SLC7A2: variants seen among roughly 807,000 people sequenced by gnomAD.
The protein encoded by SLC7A2 is solute carrier family 7 member 2.
SLC7A2 carries 48 observed loss-of-function variants against 58.9 expected under a neutral mutation model. The observed-to-expected ratio is 0.82, with a 90% CI of 0.65 to 1.04. SLC7A2 has a LOEUF of 1.04. Ranked by LOEUF, SLC7A2 falls within the 50% of genes least tolerant of loss-of-function variation. The pLI is 0.00. For synonymous variants in SLC7A2, 363 were observed against 314.5 expected (o/e 1.15, Z -1.63); for missense variants, 1,029 against 818.8 (o/e 1.26, Z -3.13).
At position 17,544,454 on chromosome 8, in the gene SLC7A2, C is replaced by T. The variant is rs143176010; in HGVS notation, c.380C>T (p.Thr127Ile). Reference protein sequence around the residue: ...WNLILSYVIGTSSVARAWSGT... With the variant: ...WNLILSYVIGISSVARAWSGT... ...TTCTCTGTTCTGTTTTGGGAAGGTA[C>T]ATCAAGTGTTGCAAGAGCCTGGAGT... Residue 127 changes from threonine (T) to isoleucine (I), a missense_variant, in exon 4 of 13, where the codon ACA (threonine) becomes ATA (isoleucine). Physicochemically the swap from Thr to Ile is moderately conservative, Grantham distance 89 (BLOSUM62 -1). Transcript: ENST00000494857. The T allele has an allele frequency of 1.9e-6, 3 of 1,613,756 alleles. No homozygotes were observed. Among genetic ancestry groups the T allele is most frequent in the Non-Finnish European group, 2.5e-6 (3 of 1,179,826 alleles).
At position 17,551,929 on chromosome 8, in the gene SLC7A2, G is replaced by A. The variant is rs1363232782; in HGVS notation, c.998G>A (p.Gly333Glu). The change falls in exon 7 of 13, where the codon GGA (glycine) becomes GAA (glutamate). Residue 333 changes from glycine (G) to glutamate (E), a missense_variant. By Grantham distance (98) the Gly-to-Glu change is moderately conservative. Transcript: ENST00000494857. ...SPLPVAFEYV[G>E]WGPAKYVVAA... ...CTTCCTGTAGCGTTTGAATATGTGG[G>A]ATGGGGTCCTGCCAAATATGTCGTC... 3.7e-6 allele frequency: 6 copies of A among 1,613,882 alleles called. No homozygotes were observed. The Admixed American group carries it at 6.7e-5, about 18-fold the overall frequency.
intron 8 of SLC7A2, among the ~76,000 whole-genome samples, chr8:17,556,050 T>G: frequency 6.6e-6 from 1 of 152,228 alleles, no homozygotes; most frequent in Non-Finnish European, 1.5e-5. Context: ...AGAATGTATT[T>G]GTTTAAACAC....
chr8:17,506,797 C>G (rs1800383369), intron 2 of SLC7A2, among the ~76,000 whole-genome samples: 1 of 149,898 alleles, frequency 6.7e-6, no homozygotes, highest in South Asian at 2.1e-4. Context: ...TGTTGCCTGT[C>G]TGGAGTGCAG....
At chr8:17,514,458 C>A (rs1346629910) in intron 2 of SLC7A2, among the ~76,000 whole-genome samples, 1 of 152,108 alleles carries the variant, frequency 6.6e-6, no homozygotes, top group African/African-American at 2.4e-5. Flanking sequence ...GCAATATTTT[C>A]CCTTCTCAAA....
intron 7 of SLC7A2, among the ~76,000 whole-genome samples, chr8:17,552,381 A>T (rs1802496250): frequency 6.6e-6 from 1 of 152,230 alleles, no homozygotes; most frequent in African/African-American, 2.4e-5. Flanking sequence ...ACATCTGAGA[A>T]TGTATGTACA....
intron 2 of SLC7A2, among the ~76,000 whole-genome samples, chr8:17,513,347 C>T (rs953614196): frequency 4.6e-5 from 7 of 151,884 alleles, no homozygotes; most frequent in African/African-American, 1.2e-4. Flanking sequence ...TTGTAGTAGT[C>T]ATCCTAAGGG....
chr8:17,522,518 C>G (rs1285333708), intron 2 of SLC7A2, among the ~76,000 whole-genome samples: 1 of 152,142 alleles, frequency 6.6e-6, no homozygotes, highest in African/African-American at 2.4e-5. Context: ...GGGACAGAGA[C>G]TGGGGAGGAT....
chr8:17,539,960 T>A (rs1175738566), intron 2 of SLC7A2, among the ~76,000 whole-genome samples: 1 of 152,162 alleles, frequency 6.6e-6, no homozygotes, highest in Non-Finnish European at 1.5e-5. Context: ...AATGTTAAAG[T>A]TATAAAAACT....
intron 2 of SLC7A2, among the ~76,000 whole-genome samples, chr8:17,518,060 A>G (rs1422033238): frequency 6.6e-6 from 1 of 152,190 alleles, no homozygotes; most frequent in Admixed American, 6.5e-5. Context: ...CCAAGACATA[A>G]TAGGAAAGCA....
At chr8:17,499,234 C>T (rs1800061425) in intron 1 of SLC7A2, 1 of 152,136 alleles carries the variant, frequency 6.6e-6, no homozygotes, top group African/African-American at 2.4e-5. Flanking sequence ...TCTATTTCAC[C>T]TAGCCTCTGT....
intron 2 of SLC7A2, among the ~76,000 whole-genome samples, chr8:17,509,318 C>T (rs958436136): frequency 7.2e-5 from 11 of 151,940 alleles, no homozygotes; most frequent in Non-Finnish European, 1.6e-4. Context: ...TCTTCTTCTT[C>T]TTCTTTTGAG....
intron 7 of SLC7A2, among the ~76,000 whole-genome samples, chr8:17,553,898 T>G (rs6996690): frequency 6.6e-6 from 1 of 152,196 alleles, no homozygotes; most frequent in Non-Finnish European, 1.5e-5. Flanking sequence ...CAAAAGTACT[T>G]CCGAACATCT....
At position 17,538,773 on chromosome 8, in the gene SLC7A2, T is replaced by C; in HGVS notation, c.-22-4545T>C. On this transcript the variant is annotated intron_variant, in intron 2 of 12. Coordinates refer to ENST00000494857, the MANE Select transcript of SLC7A2 (RefSeq NM_001370338.1). ...TACGATTTAATTACTTTTTTTTCCA[T>C]CAGTCCCAAAACAGAAAGAGCAGAT... The C allele has an allele frequency of 3.1e-6, 5 of 1,609,174 alleles. No homozygotes were observed. In the South Asian group the frequency reaches 5.5e-5, roughly 18 times the overall value.
upstream of SLC7A2, among the ~76,000 whole-genome samples, chr8:17,496,788 G>C (rs1042745587): frequency 1.3e-5 from 2 of 152,166 alleles, no homozygotes; most frequent in African/African-American, 4.8e-5. Context: ...AAATGCCCTT[G>C]AGGTTTGGTC....
At chr8:17,561,299 T>A (rs1027565127) in intron 10 of SLC7A2, among the ~76,000 whole-genome samples, 1 of 152,088 alleles carries the variant, frequency 6.6e-6, no homozygotes, top group African/African-American at 2.4e-5. Context: ...TAGGGAGGCC[T>A]CACAGTCATG....
chr8:17,565,079 C>G lies in SLC7A2; in HGVS notation c.1910C>G (p.Ala637Gly). 6.2e-7 allele frequency: 1 copy of G among 1,613,986 alleles called. No homozygotes were observed. Among genetic ancestry groups the G allele is most frequent in the Non-Finnish European group, 8.5e-7 (1 of 1,179,908 alleles). The change falls in exon 13 of 13, where the codon GCA (alanine) becomes GGA (glycine). Residue 637 changes from alanine (A) to glycine (G), a missense_variant. Ala to Gly is a moderately conservative substitution (Grantham distance 60, BLOSUM62 0). Transcript: ENST00000494857. ...AAAEEKSAIQANDHHPRNLSS... is the reference protein window; with the variant it reads ...AAAEEKSAIQGNDHHPRNLSS... ...GCAGAAGAAAAATCTGCCATTCAAGCAAATGACCATCACCCAAGAAATCTC... is the reference window on the plus strand; with the variant it reads ...GCAGAAGAAAAATCTGCCATTCAAGGAAATGACCATCACCCAAGAAATCTC...
At position 17,567,995 on chromosome 8, in the gene SLC7A2, G is replaced by A. The variant is rs1414180041; in HGVS notation, c.*2849G>A. ...CTTTGGCACCTTTCTGTTTCTGCTT[G>A]TGAATTCATAATGTTTTCAACTAAA... On this transcript the variant is annotated 3_prime_UTR_variant, in exon 13 of 13. Transcript: ENST00000494857. 1 of 139,658 alleles carries A rather than the reference G, an allele frequency of 7.2e-6. No homozygotes were observed. The highest frequency in any genetic ancestry group is 2.1e-4 in the East Asian group (1 of 4,672). The allele number at this position is 139,658 out of a possible 1,614,324, so 8.7% of individuals were successfully genotyped here.
At chr8:17,556,911 G>T (rs994517520) in intron 8 of SLC7A2, among the ~76,000 whole-genome samples, 5 of 152,046 alleles carry the variant, frequency 3.3e-5, no homozygotes, top group Admixed American at 6.6e-5. Context: ...GCCCAGCAAA[G>T]AATTTTCAAA....
intron 4 of SLC7A2, among the ~76,000 whole-genome samples, chr8:17,548,104 G>A (rs1802264605): frequency 6.6e-6 from 1 of 152,170 alleles, no homozygotes; most frequent in East Asian, 1.9e-4. Context: ...ACTTTGGGAG[G>A]CTGAGGCAGG....
Sources: allele counts gnomAD v4.1 joint callset (sites outside exome capture counted in the v4.1 genomes callset), GRCh38; gene constraint gnomAD v4.1.1; transcripts MANE v1.5; gene names NCBI Gene and HGNC (gene_info 2026-07-23, HGNC 2026-07-21).